Variants in MAGI2 observed in about 807,000 individuals in gnomAD.
MAGI2 encodes membrane associated guanylate kinase, WW and PDZ domain containing 2.
Under a neutral mutation model 133.3 loss-of-function variants are expected in MAGI2, and 35 were observed. The observed-to-expected ratio is 0.26, with a 90% CI of 0.20 to 0.35. The LOEUF is 0.35. MAGI2 is among the 10% of genes least tolerant of loss of function. The pLI, the probability that MAGI2 is intolerant of heterozygous loss-of-function variation, is 1.00. For synonymous variants in MAGI2, 729 were observed against 710.6 expected, an observed-to-expected ratio of 1.03 and a Z score of -0.41; for missense variants, 1,636 against 1,863.4, an observed-to-expected ratio of 0.88 and a Z score of 2.25.
intron 2 of MAGI2, among the ~76,000 whole-genome samples, chr7:78,703,069 G>T (rs190863574): frequency 6.6e-6 from 1 of 151,870 alleles, no homozygotes; most frequent in African/African-American, 2.4e-5. Flanking sequence ...GACTGAAAAG[G>T]CATGGCCAAA....
At chr7:79,356,527 A>T (rs1479564781) in intron 1 of MAGI2, among the ~76,000 whole-genome samples, 1 of 152,122 alleles carries the variant, frequency 6.6e-6, no homozygotes, top group Non-Finnish European at 1.5e-5. Flanking sequence ...TTTAGAAAAA[A>T]CATGTTGATC....
intron 6 of MAGI2, among the ~76,000 whole-genome samples, chr7:78,461,791 A>C (rs530738105): frequency 6.6e-6 from 1 of 151,732 alleles, no homozygotes; most frequent in East Asian, 2.0e-4. Flanking sequence ...CATGCCTGTA[A>C]TCCCAGCTAC....
At chr7:78,170,624 T>C (rs1279943074) in intron 14 of MAGI2, 2 of 152,212 alleles carry the variant, frequency 1.3e-5, no homozygotes, top group South Asian at 4.2e-4. Flanking sequence ...AAGGATGTAC[T>C]ATGGAAGAAA....
intron 1 of MAGI2, among the ~76,000 whole-genome samples, chr7:79,127,714 A>G (rs1820554545): frequency 6.6e-6 from 1 of 152,090 alleles, no homozygotes; most frequent in South Asian, 2.1e-4. Flanking sequence ...TTGTCAGATG[A>G]GTAGGTTGCA....
chr7:78,936,112 T>C (rs1800494981), intron 2 of MAGI2, among the ~76,000 whole-genome samples: 1 of 151,536 alleles, frequency 6.6e-6, no homozygotes, highest in Non-Finnish European at 1.5e-5. Context: ...TTAAAGACAA[T>C]AAATAGAAAC....
At chr7:79,265,990 A>C (rs1203004808) in intron 1 of MAGI2, among the ~76,000 whole-genome samples, 2 of 152,120 alleles carry the variant, frequency 1.3e-5, no homozygotes, top group African/African-American at 4.8e-5. Flanking sequence ...AGAGAATTTA[A>C]CAAAGTGGAA....
At chr7:78,576,292 C>T (rs533594589) in intron 3 of MAGI2, among the ~76,000 whole-genome samples, 2 of 152,092 alleles carry the variant, frequency 1.3e-5, no homozygotes, top group African/African-American at 2.4e-5. Context: ...TTCTGGGTTA[C>T]TCATTTGTGG....
intron 14 of MAGI2, among the ~76,000 whole-genome samples, chr7:78,174,642 G>A (rs1826421544): frequency 6.6e-6 from 1 of 152,162 alleles, no homozygotes. Context: ...TGTCATTCAT[G>A]GTGAGCCCCT....
At chr7:78,235,342 T>C (rs960468031) in intron 10 of MAGI2, among the ~76,000 whole-genome samples, 2 of 152,144 alleles carry the variant, frequency 1.3e-5, no homozygotes, top group African/African-American at 2.4e-5. Context: ...GGGCAGGAAA[T>C]AGGTTTATAG....
intron 6 of MAGI2, among the ~76,000 whole-genome samples, chr7:78,385,995 T>C (rs199930892): frequency 6.8e-6 from 1 of 147,652 alleles, no homozygotes; most frequent in African/African-American, 2.5e-5. Context: ...AGAGCAAAAC[T>C]TCCCCCCCTA....
At chr7:78,861,840 C>G (rs1383824660) in intron 2 of MAGI2, among the ~76,000 whole-genome samples, 11 of 152,180 alleles carry the variant, frequency 7.2e-5, no homozygotes, top group Admixed American at 7.2e-4. Context: ...ATTCCCTGTT[C>G]ACCTACTTTT....
intron 2 of MAGI2, among the ~76,000 whole-genome samples, chr7:79,002,763 A>T (rs1807008122): frequency 6.6e-6 from 1 of 151,996 alleles, no homozygotes; most frequent in Non-Finnish European, 1.5e-5. Context: ...ACAGAACTCA[A>T]TATATAGTAG....
intron 16 of MAGI2, among the ~76,000 whole-genome samples, chr7:78,151,209 T>C (rs960809376): frequency 3.9e-5 from 6 of 151,950 alleles, no homozygotes; most frequent in African/African-American, 1.4e-4. Context: ...AATAAATAGG[T>C]CCTATTCATT....
chr7:78,441,842 A>T (rs888442185), intron 6 of MAGI2, among the ~76,000 whole-genome samples: 2 of 152,082 alleles, frequency 1.3e-5, no homozygotes, highest in African/African-American at 4.8e-5. Flanking sequence ...CCTGTTGCAG[A>T]CTGTCTCTCA....
intron 3 of MAGI2, among the ~76,000 whole-genome samples, chr7:78,622,261 T>G (rs753802164): frequency 1.3e-5 from 2 of 152,000 alleles, no homozygotes; most frequent in Non-Finnish European, 2.9e-5. Context: ...GTCTGTAATC[T>G]TAAGGCTGAG....
chr7:79,291,523 A>G (rs1410026977), intron 1 of MAGI2, among the ~76,000 whole-genome samples: 6 of 152,156 alleles, frequency 3.9e-5, no homozygotes, highest in Admixed American at 3.9e-4. Context: ...CAATTTTACA[A>G]TCCCACCAGC....
intron 9 of MAGI2, among the ~76,000 whole-genome samples, chr7:78,290,429 G>A (rs1201024080): frequency 6.6e-6 from 1 of 152,128 alleles, no homozygotes; most frequent in African/African-American, 2.4e-5. Context: ...CAATACAGGA[G>A]CACCCAGATT....
intron 1 of MAGI2, among the ~76,000 whole-genome samples, chr7:79,247,253 A>C (rs1213130128): frequency 1.3e-5 from 2 of 152,208 alleles, no homozygotes; most frequent in African/African-American, 4.8e-5. Flanking sequence ...AAACAATATT[A>C]TAACACTTTA....
At chr7:79,210,938 C>T (rs1829447487) in intron 1 of MAGI2, among the ~76,000 whole-genome samples, 1 of 152,028 alleles carries the variant, frequency 6.6e-6, no homozygotes, top group Non-Finnish European at 1.5e-5. Flanking sequence ...GATGGGAAGC[C>T]ATTCACTAAC....
Sources: gnomAD v4.1 joint callset for allele counts (sites outside exome capture counted in the v4.1 genomes callset) on GRCh38, gnomAD v4.1.1 for gene constraint, MANE v1.5 for transcripts, NCBI Gene and HGNC (gene_info 2026-07-23, HGNC 2026-07-21) for gene names.